DCC: variants seen among roughly 807,000 people sequenced by gnomAD.
DCC encodes the protein DCC netrin 1 receptor.
DCC carries 58 observed loss-of-function variants against 172.5 expected under a neutral mutation model. The observed-to-expected ratio is 0.34, with a 90% CI of 0.27 to 0.42. The LOEUF is 0.42. Ranked by LOEUF, DCC falls within the 10% of genes least tolerant of loss-of-function variation. The pLI is 1.00. For synonymous variants in DCC, 709 were observed against 644.5 expected (o/e 1.10, Z -1.52); for missense variants, 1,740 against 1,791.0 (o/e 0.97, Z 0.51).
chr18:52,736,366 T>C (rs942653807), intron 1 of DCC, among the ~76,000 whole-genome samples: 3 of 151,722 alleles, frequency 2.0e-5, no homozygotes, highest in Middle Eastern at 3.4e-3. Context: ...CCCTGGCCCA[T>C]GATTTAAGAT....
Position 53,377,851 on chromosome 18 carries a change from G to A in DCC, c.2360-8192G>A, listed in dbSNP as rs78727460. On this transcript the variant is annotated intron_variant, in intron 15 of 28. Coordinates refer to ENST00000442544, the MANE Select transcript of DCC (RefSeq NM_005215.4). ...ATGAACTGTGCCCTTGCATTTGCTT[G>A]TTTCACTCTTTTCCCTCAGCCATTG... Among the ~76,000 whole-genome samples the A allele has an allele frequency of 3.4e-3, 523 of 152,312 alleles. 3 individuals are homozygous for A. Among genetic ancestry groups the A allele is most frequent in the African/African-American group, 0.012 (487 of 41,580 alleles).
At chr18:53,103,329 G>T (rs2043199991) in intron 7 of DCC, among the ~76,000 whole-genome samples, 1 of 152,018 alleles carries the variant, frequency 6.6e-6, no homozygotes, top group Non-Finnish European at 1.5e-5. Flanking sequence ...CAAAGCAATG[G>T]GAACCCAGGG....
chr18:52,617,229 T>A (rs1383094548), intron 1 of DCC, among the ~76,000 whole-genome samples: 1 of 152,158 alleles, frequency 6.6e-6, no homozygotes, highest in African/African-American at 2.4e-5. Flanking sequence ...TGTGTGATTA[T>A]TAAGTGTCTA....
intron 1 of DCC, among the ~76,000 whole-genome samples, chr18:52,514,676 A>C (rs1487635102): frequency 6.6e-6 from 1 of 152,196 alleles, no homozygotes; most frequent in African/African-American, 2.4e-5. Context: ...ACTGAGTATA[A>C]TTTTCCATAT....
chr18:52,481,273 G>A (rs919617804), intron 1 of DCC, among the ~76,000 whole-genome samples: 7 of 149,830 alleles, frequency 4.7e-5, no homozygotes, highest in Non-Finnish European at 9.0e-5. Context: ...CCAGCCTGGC[G>A]CATGTGGCTG....
At chr18:52,828,773 GGGAGCCAGT>G (rs1356462344) in intron 2 of DCC, among the ~76,000 whole-genome samples, 9 of 152,276 alleles carry the variant, frequency 5.9e-5, no homozygotes, top group African/African-American at 1.9e-4. Flanking sequence ...GGATGCTTCA[GGGAGCCAGT>G]TACTTTAGTA....
At chr18:52,399,817 GT>G (rs1349077139) in intron 1 of DCC, among the ~76,000 whole-genome samples, 1 of 151,958 alleles carries the variant, frequency 6.6e-6, no homozygotes, top group Non-Finnish European at 1.5e-5. Flanking sequence ...GTGAGAACCT[GT>G]CTTATTCTTA....
intron 1 of DCC, among the ~76,000 whole-genome samples, chr18:52,480,452 A>G (rs1213649177): frequency 2.6e-5 from 4 of 152,132 alleles, no homozygotes; most frequent in Non-Finnish European, 4.4e-5. Flanking sequence ...GTATAAGCAA[A>G]CCTATTCCTT....
At chr18:53,187,458 A>C (rs1248067806) in intron 9 of DCC, among the ~76,000 whole-genome samples, 2 of 152,106 alleles carry the variant, frequency 1.3e-5, no homozygotes, top group African/African-American at 2.4e-5. Flanking sequence ...AGTGTTACAA[A>C]GTTTCATTGT....
chr18:53,148,862 T>G (rs2043955871), intron 7 of DCC, among the ~76,000 whole-genome samples: 1 of 124,960 alleles, frequency 8.0e-6, no homozygotes, highest in African/African-American at 3.1e-5. Context: ...AACTTCCCAA[T>G]GCCTTTTTTT....
chr18:52,836,050 G>A (rs142457599), intron 2 of DCC, among the ~76,000 whole-genome samples: 195 of 152,298 alleles, frequency 1.3e-3, no homozygotes, highest in African/African-American at 4.5e-3. Flanking sequence ...TCTTCACATG[G>A]CAGCAGGAAG....
At chr18:52,674,538 A>G (rs1030908886) in intron 1 of DCC, among the ~76,000 whole-genome samples, 1 of 152,192 alleles carries the variant, frequency 6.6e-6, no homozygotes, top group Admixed American at 6.5e-5. Flanking sequence ...TCAACTAGAT[A>G]TCTGAAAATC....
At chr18:53,529,257 G>C (rs146242256) in intron 28 of DCC, among the ~76,000 whole-genome samples, 15 of 152,194 alleles carry the variant, frequency 9.9e-5, no homozygotes, top group African/African-American at 3.4e-4. Context: ...GGCTGGAGTA[G>C]CTTTGTGCCT....
intron 27 of DCC, among the ~76,000 whole-genome samples, chr18:53,521,647 T>C (rs929213858): frequency 6.6e-6 from 1 of 152,142 alleles, no homozygotes; most frequent in Admixed American, 6.6e-5. Context: ...GCCTATGCCT[T>C]TCACTTTTTA....
At chr18:52,698,492 G>A (rs897199553) in intron 1 of DCC, among the ~76,000 whole-genome samples, 1 of 152,144 alleles carries the variant, frequency 6.6e-6, no homozygotes. Flanking sequence ...ATTGTCTACA[G>A]AGTTGGTCCT....
chr18:52,564,909 T>C (rs2144746998), intron 1 of DCC, among the ~76,000 whole-genome samples: 1 of 152,140 alleles, frequency 6.6e-6, no homozygotes, highest in Admixed American at 6.6e-5. Flanking sequence ...CTAGAGTGTG[T>C]TGCTGGAGAG....
intron 2 of DCC, among the ~76,000 whole-genome samples, chr18:52,799,077 A>G (rs1480594609): frequency 6.6e-6 from 1 of 152,244 alleles, no homozygotes. Context: ...TGTTTGAAAT[A>G]AAACAGGAAC....
intron 13 of DCC, among the ~76,000 whole-genome samples, chr18:53,316,628 T>C (rs2057346808): frequency 6.6e-6 from 1 of 152,236 alleles, no homozygotes; most frequent in South Asian, 2.1e-4. Flanking sequence ...TCCTTTCTTA[T>C]TTCCTTGAGC....
rs148176455 is a variant in DCC at position 52,434,596 on chromosome 18, A to G, written c.91+93718A>G. Among the ~76,000 whole-genome samples, 266 of 151,932 alleles carry G rather than the reference A, an allele frequency of 1.8e-3. 6 individuals are homozygous for G. The East Asian group carries it at 0.042, about 24-fold the overall frequency. On this transcript the variant is annotated intron_variant, in intron 1 of 28. Coordinates refer to ENST00000442544, the MANE Select transcript of DCC (RefSeq NM_005215.4). ...TTTGTTCTCCATTTCACTTTTGCTT[A>G]TGTGTCAATGCTAATAAACCAGCAG... is the stretch of plus-strand genomic sequence containing the variant.
Sources: allele counts gnomAD v4.1 joint callset (sites outside exome capture counted in the v4.1 genomes callset), GRCh38; gene constraint gnomAD v4.1.1; transcripts MANE v1.5; gene names NCBI Gene and HGNC (gene_info 2026-07-23, HGNC 2026-07-21).